The following LOC400499 variants were observed in gnomAD, a reference collection of about 807,000 sequenced individuals.
chr16:11,387,644 T>TTTTGA, the LOC400499 span, among the ~76,000 whole-genome samples: 1 of 152,110 alleles, frequency 6.6e-6, no homozygotes, highest in Admixed American at 6.6e-5. Flanking sequence ...GGAAATTTTG[T>TTTTGA]TTTTTAAGAA....
chr16:11,512,579 C>T, the LOC400499 span, among the ~76,000 whole-genome samples: 2,788 of 152,140 alleles, frequency 0.018, 37 homozygotes, highest in Non-Finnish European at 0.027. Context: ...CCAGCCTGGG[C>T]GACAAAGCAA....
the LOC400499 span, among the ~76,000 whole-genome samples, chr16:11,520,856 TAA>T: frequency 1.9e-4 from 29 of 152,256 alleles, 1 homozygote; most frequent in South Asian, 5.6e-3. Flanking sequence ...ATATATTCAT[TAA>T]CCTCCCAAGG....
At chr16:11,425,619 T>C in the LOC400499 span, among the ~76,000 whole-genome samples, 1 of 152,194 alleles carries the variant, frequency 6.6e-6, no homozygotes, top group Non-Finnish European at 1.5e-5. Context: ...CAGGATACTC[T>C]GAAAATCAAG....
At chr16:11,494,797 G>A in the LOC400499 span, 1 of 398,980 alleles carries the variant, frequency 2.5e-6, no homozygotes, top group Non-Finnish European at 4.4e-6. Context: ...GAGGTGGTGG[G>A]TAAATGCACT....
At chr16:11,501,155 G>A in the LOC400499 span, among the ~76,000 whole-genome samples, 926 of 152,176 alleles carry the variant, frequency 6.1e-3, 11 homozygotes, top group African/African-American at 0.021. Flanking sequence ...CAGCACAGCA[G>A]CACCCAGCCC....
the LOC400499 span, chr16:11,456,733 TGA>T: frequency 2.5e-6 from 3 of 1,188,540 alleles, no homozygotes; most frequent in Non-Finnish European, 3.6e-6. Flanking sequence ...TGGCCCAGTT[TGA>T]GTCTTGAGTT....
chr16:11,477,072 C>T, the LOC400499 span: 1 of 399,630 alleles, frequency 2.5e-6, no homozygotes, highest in Non-Finnish European at 4.4e-6. Context: ...ACCACTGCCA[C>T]CCACAGGCTG....
chr16:11,449,061 C>A, the LOC400499 span: 1 of 1,485,726 alleles, frequency 6.7e-7, no homozygotes, highest in Non-Finnish European at 9.0e-7. Flanking sequence ...CTCGAGTTCG[C>A]TCCAGCTGTG....
At chr16:11,396,216 G>A in the LOC400499 span, among the ~76,000 whole-genome samples, 10 of 152,332 alleles carry the variant, frequency 6.6e-5, no homozygotes, top group South Asian at 8.3e-4. Flanking sequence ...CAGCTAGGCT[G>A]GGATTCAAAC....
the LOC400499 span, chr16:11,462,069 C>A: frequency 7.1e-7 from 1 of 1,412,898 alleles, no homozygotes; most frequent in South Asian, 1.5e-5. Flanking sequence ...CCACCACACC[C>A]TAACCTGGCC....
chr16:11,476,476 C>A, the LOC400499 span, among the ~76,000 whole-genome samples: 1 of 152,174 alleles, frequency 6.6e-6, no homozygotes, highest in East Asian at 1.9e-4. Flanking sequence ...CACACGCACT[C>A]CCACAACACA....
the LOC400499 span, among the ~76,000 whole-genome samples, chr16:11,406,527 G>A: frequency 6.6e-6 from 1 of 152,204 alleles, no homozygotes; most frequent in Admixed American, 6.5e-5. Context: ...CCACATCCTG[G>A]GTTCAAGCAA....
the LOC400499 span, chr16:11,384,111 A>C: frequency 8.2e-7 from 1 of 1,223,964 alleles, no homozygotes; most frequent in Non-Finnish European, 1.0e-6. Flanking sequence ...GGGCCTACGA[A>C]GTCCTCTGCA....
At chr16:11,517,611 T>C in the LOC400499 span, among the ~76,000 whole-genome samples, 1 of 152,180 alleles carries the variant, frequency 6.6e-6, no homozygotes, top group Admixed American at 6.5e-5. Context: ...GACTTGAGAC[T>C]GTCATTGTTG....
chr16:11,391,049 G>C, the LOC400499 span, among the ~76,000 whole-genome samples: 3 of 152,318 alleles, frequency 2.0e-5, no homozygotes, highest in East Asian at 1.9e-4. Context: ...TGTGAATAGC[G>C]CTGGGCGGAG....
the LOC400499 span, chr16:11,384,811 C>CGCCCTGGAAGCTTAAA: frequency 8.3e-7 from 1 of 1,201,442 alleles, no homozygotes; most frequent in Non-Finnish European, 1.0e-6. Context: ...AGCCCCCTGC[C>CGCCCTGGAAGCTTAAA]GCCCTGGAAG....
the LOC400499 span, chr16:11,404,636 C>T: frequency 2.6e-3 from 1,021 of 398,634 alleles, 13 homozygotes; most frequent in African/African-American, 0.017. Flanking sequence ...CATGAGCCAC[C>T]GCGCCTGGCC....
the LOC400499 span, among the ~76,000 whole-genome samples, chr16:11,432,488 G>C: frequency 6.6e-6 from 1 of 152,178 alleles, no homozygotes; most frequent in African/African-American, 2.4e-5. Context: ...TATGCCCAAA[G>C]CTCAAATAAG....
the LOC400499 span, chr16:11,471,951 G>C: frequency 1.0e-5 from 4 of 397,392 alleles, no homozygotes; most frequent in African/African-American, 8.2e-5. Context: ...CATGTAGACA[G>C]GACTCCTGTG....
Sources: gnomAD v4.1 joint callset for allele counts (sites outside exome capture counted in the v4.1 genomes callset) on GRCh38, gnomAD v4.1.1 for gene constraint, MANE v1.5 for transcripts.